The following SEM1 variants were observed in gnomAD, a reference collection of about 807,000 sequenced individuals.
SEM1 encodes 26S proteasome complex subunit SEM1.
A neutral mutation model predicts 12.7 loss-of-function variants in SEM1; 3 were observed. The ratio of observed to expected loss-of-function variants is 0.24; its 90% CI spans 0.11 to 0.61. SEM1 has a LOEUF of 0.61. SEM1 is among the 20% of genes least tolerant of loss of function. The pLI is 0.88. For synonymous variants in SEM1, 30 were observed against 27.8 expected (o/e 1.08, Z -0.25); for missense variants, 59 against 81.3 (o/e 0.73, Z 1.06).
At chr7:96,550,383 A>C (rs1292191299) in intron 2 of SEM1, among the ~76,000 whole-genome samples, 1 of 152,208 alleles carries the variant, frequency 6.6e-6, no homozygotes, top group East Asian at 1.9e-4. Context: ...GCAATTACCA[A>C]CTGAAGTGCA....
intron 2 of SEM1, chr7:96,484,896 A>T (rs112800557): frequency 8.0e-7 from 1 of 1,243,466 alleles, no homozygotes. Flanking sequence ...CTGGAATCCA[A>T]CTTTCTAAAT....
downstream of SEM1, among the ~76,000 whole-genome samples, chr7:96,669,207 A>T (rs1384577243): frequency 1.3e-5 from 2 of 152,128 alleles, no homozygotes; most frequent in Non-Finnish European, 2.9e-5. Context: ...GAGAGTGCTG[A>T]ACTCCGAAAG....
upstream of SEM1, among the ~76,000 whole-genome samples, chr7:96,500,446 G>C (rs577340158): frequency 6.6e-6 from 1 of 152,142 alleles, no homozygotes; most frequent in East Asian, 1.9e-4. Context: ...AAATAATCAA[G>C]TCTATATGAA....
At chr7:96,534,714 G>A (rs80266687) in intron 2 of SEM1, among the ~76,000 whole-genome samples, 1 of 151,938 alleles carries the variant, frequency 6.6e-6, no homozygotes, top group Non-Finnish European at 1.5e-5. Context: ...ACAACGTATC[G>A]CAATAGATGG....
intron 2 of SEM1, among the ~76,000 whole-genome samples, chr7:96,557,617 G>A (rs1287456851): frequency 9.9e-6 from 1 of 100,840 alleles, no homozygotes; most frequent in African/African-American, 2.8e-5. Flanking sequence ...GGACATTTAA[G>A]TCTGCAGAGG....
chr7:96,704,218 CA>C (rs755007944), intron 1 of SEM1, among the ~76,000 whole-genome samples: 2 of 151,502 alleles, frequency 1.3e-5, no homozygotes, highest in African/African-American at 2.4e-5. Context: ...AGGATACATA[CA>C]AACAAGTACA....
intron 1 of SEM1, chr7:96,696,853 C>T (rs1346619486): frequency 6.6e-6 from 1 of 151,978 alleles, no homozygotes; most frequent in Non-Finnish European, 1.5e-5. Context: ...CTGGGTTTAG[C>T]TGACATCTTC....
intron 2 of SEM1, among the ~76,000 whole-genome samples, chr7:96,605,781 T>A (rs1183765228): frequency 6.6e-6 from 1 of 152,208 alleles, no homozygotes; most frequent in Non-Finnish European, 1.5e-5. Context: ...TAGTTACCTA[T>A]GGTCAACCCC....
At chr7:96,544,007 A>C (rs1805031255) in intron 2 of SEM1, among the ~76,000 whole-genome samples, 1 of 152,058 alleles carries the variant, frequency 6.6e-6, no homozygotes, top group African/African-American at 2.4e-5. Flanking sequence ...TTATATAGCC[A>C]GTCCTGAGTT....
At chr7:96,541,451 T>TG (rs1804951049) in intron 2 of SEM1, among the ~76,000 whole-genome samples, 2 of 149,374 alleles carry the variant, frequency 1.3e-5, no homozygotes, top group South Asian at 2.1e-4. Context: ...TTGTTTTTTT[T>TG]TTTTTTTTGC....
rs567909950 is a variant in SEM1, at chr7:96,564,453, A to G, written c.171-57755T>C. Among the ~76,000 whole-genome samples, 38 of 152,186 alleles carry G rather than the reference A, an allele frequency of 2.5e-4. No homozygotes were observed. The South Asian group carries it at 6.6e-3, about 27-fold the overall frequency. The stretch of plus-strand genomic sequence containing the variant: ...AAAATTATTTCCCAGCTCTCATTGC[A>G]AAAGGATGTGTAGTCATGTGACCAG... On this transcript the variant is annotated intron_variant and NMD_transcript_variant, in intron 2 of 3. Coordinates refer to the SEM1 transcript ENST00000466986.
intron 2 of SEM1, among the ~76,000 whole-genome samples, chr7:96,690,333 T>C (rs1009384286): frequency 2.0e-5 from 3 of 152,208 alleles, no homozygotes; most frequent in East Asian, 3.9e-4. Flanking sequence ...TTTGTGTCTA[T>C]TGGCTTTCCT....
At chr7:96,606,089 T>C (rs1807369458) in intron 2 of SEM1, among the ~76,000 whole-genome samples, 1 of 152,218 alleles carries the variant, frequency 6.6e-6, no homozygotes. Flanking sequence ...GGCATATTGT[T>C]ATACTTGTTC....
upstream of SEM1, among the ~76,000 whole-genome samples, chr7:96,499,643 TAA>T (rs1803439092): frequency 6.6e-6 from 1 of 152,080 alleles, no homozygotes; most frequent in African/African-American, 2.4e-5. Context: ...GGCATGTACT[TAA>T]CAAATAAACA....
intron 1 of SEM1, among the ~76,000 whole-genome samples, chr7:96,704,056 G>A (rs1000462450): frequency 1.3e-5 from 2 of 150,504 alleles, no homozygotes; most frequent in Non-Finnish European, 3.0e-5. Flanking sequence ...TATCAAGAAG[G>A]GACTAGTTAA....
chr7:96,689,101 T>C, intron 2 of SEM1, 135 bp from the exon 3 acceptor site: 1 of 519,174 alleles, frequency 1.9e-6, no homozygotes, highest in Non-Finnish European at 3.3e-6. Flanking sequence ...AGTTTTACTT[T>C]TGTCTCTGAA....
chr7:96,650,517 C>T, intron 2 of SEM1: 1 of 754,100 alleles, frequency 1.3e-6, no homozygotes, highest in South Asian at 1.4e-5. Flanking sequence ...CTTTTTCTCA[C>T]AGCTTTAGCA....
chr7:96,692,501 A>G (rs1256356559), intron 2 of SEM1, among the ~76,000 whole-genome samples: 1 of 152,158 alleles, frequency 6.6e-6, no homozygotes, highest in African/African-American at 2.4e-5. Context: ...AAGGGAATGT[A>G]TATTTTTCAA....
chr7:96,533,187 C>T (rs1804689800), intron 2 of SEM1, among the ~76,000 whole-genome samples: 1 of 152,058 alleles, frequency 6.6e-6, no homozygotes, highest in East Asian at 1.9e-4. Context: ...ATGTGCTCTC[C>T]TCCTTTTTCA....
Sources: gnomAD v4.1 joint callset for allele counts (sites outside exome capture counted in the v4.1 genomes callset) on GRCh38, gnomAD v4.1.1 for gene constraint, MANE v1.5 for transcripts, NCBI Gene and HGNC (gene_info 2026-07-23, HGNC 2026-07-21) for gene names.